CSMD1: variants seen among roughly 807,000 people sequenced by gnomAD.
The protein encoded by CSMD1 is CUB and sushi domain-containing protein 1.
In CSMD1, 213 loss-of-function variants were observed where a neutral mutation model predicts 417.5. That is an observed-to-expected ratio of 0.51 (90% CI 0.46 to 0.57). The LOEUF (loss-of-function observed/expected upper bound fraction) is 0.57, where lower values mean the gene tolerates loss of function less well. Ranked by LOEUF, CSMD1 falls within the 20% of genes least tolerant of loss-of-function variation. CSMD1 has a pLI of 0.00. For synonymous variants in CSMD1, 2,862 were observed against 1,736.8 expected, an observed-to-expected ratio of 1.65 and a Z score of -16.11; for missense variants, 6,923 against 4,529.7, an observed-to-expected ratio of 1.53 and a Z score of -15.17.
intron 8 of CSMD1, among the ~76,000 whole-genome samples, chr8:3,604,112 T>C (rs1351221061): frequency 6.6e-6 from 1 of 152,210 alleles, no homozygotes; most frequent in Non-Finnish European, 1.5e-5. Context: ...GGCTCTGTAC[T>C]GAACACTGGA....
intron 41 of CSMD1, among the ~76,000 whole-genome samples, chr8:3,125,462 G>A (rs1309522955): frequency 6.6e-6 from 1 of 152,168 alleles, no homozygotes; most frequent in Non-Finnish European, 1.5e-5. Flanking sequence ...AAGAAAGAAA[G>A]TCATCAAGTG....
intron 2 of CSMD1, among the ~76,000 whole-genome samples, chr8:4,560,267 G>A (rs1036557070): frequency 5.9e-5 from 9 of 152,216 alleles, no homozygotes; most frequent in African/African-American, 1.9e-4. Flanking sequence ...CAAAGCCCCT[G>A]ACTATGTGAC....
chr8:3,538,196 C>A (rs1264758213), intron 10 of CSMD1, among the ~76,000 whole-genome samples: 1 of 151,378 alleles, frequency 6.6e-6, no homozygotes, highest in African/African-American at 2.5e-5. Flanking sequence ...CCTTGCATTT[C>A]ATTCCCACTA....
chr8:3,025,571 T>C (rs1236828781), intron 51 of CSMD1, among the ~76,000 whole-genome samples: 2 of 152,246 alleles, frequency 1.3e-5, no homozygotes, highest in Admixed American at 6.5e-5. Context: ...GATATTCTTT[T>C]AGCGGTCAAC....
chr8:3,778,035 T>G (rs1348918837), intron 5 of CSMD1, among the ~76,000 whole-genome samples: 1 of 152,248 alleles, frequency 6.6e-6, no homozygotes, highest in Non-Finnish European at 1.5e-5. Context: ...TGTCTGGCTG[T>G]CTGTGCTTAA....
intron 17 of CSMD1, among the ~76,000 whole-genome samples, chr8:3,391,867 T>G (rs1256500564): frequency 6.6e-6 from 1 of 152,198 alleles, no homozygotes; most frequent in African/African-American, 2.4e-5. Flanking sequence ...AAGGAGTGTT[T>G]ATAATGTGAA....
At chr8:4,103,335 G>A (rs1005205914) in intron 3 of CSMD1, among the ~76,000 whole-genome samples, 9 of 151,222 alleles carry the variant, frequency 6.0e-5, no homozygotes, top group Non-Finnish European at 1.0e-4. Flanking sequence ...ATTCTCCAGA[G>A]TAGAAAAAAG....
intron 3 of CSMD1, among the ~76,000 whole-genome samples, chr8:4,288,107 C>T (rs1272889242): frequency 6.6e-6 from 1 of 152,116 alleles, no homozygotes; most frequent in Non-Finnish European, 1.5e-5. Context: ...ACTTATTTTG[C>T]TAGCCATGCT....
intron 33 of CSMD1, among the ~76,000 whole-genome samples, chr8:3,190,354 T>C (rs942487967): frequency 6.6e-6 from 1 of 151,884 alleles, no homozygotes; most frequent in Non-Finnish European, 1.5e-5. Flanking sequence ...AGGAGCACGT[T>C]CCCAACTGTA....
chr8:3,248,796 C>T (rs553214989), intron 26 of CSMD1, among the ~76,000 whole-genome samples: 63 of 151,836 alleles, frequency 4.1e-4, no homozygotes, highest in Non-Finnish European at 8.1e-4. Context: ...ACAATTTTAC[C>T]CTATTCTCTT....
chr8:4,578,926 A>C (rs1371910739), intron 2 of CSMD1, among the ~76,000 whole-genome samples: 1 of 151,918 alleles, frequency 6.6e-6, no homozygotes, highest in African/African-American at 2.4e-5. Flanking sequence ...ACCATGTGGA[A>C]AAATATTAAA....
chr8:3,549,771 G>C (rs1015993642), intron 10 of CSMD1, among the ~76,000 whole-genome samples: 7 of 152,052 alleles, frequency 4.6e-5, no homozygotes, highest in African/African-American at 1.2e-4. Flanking sequence ...TTGACTTTGA[G>C]TTTTCAGCCT....
intron 1 of CSMD1, among the ~76,000 whole-genome samples, chr8:4,828,394 T>C (rs1799954272): frequency 6.6e-6 from 1 of 152,180 alleles, no homozygotes; most frequent in African/African-American, 2.4e-5. Flanking sequence ...GACTTTGCTG[T>C]AGTTATTTGA....
intron 1 of CSMD1, among the ~76,000 whole-genome samples, chr8:4,764,774 G>A (rs1812332546): frequency 6.7e-6 from 1 of 150,108 alleles, no homozygotes; most frequent in Non-Finnish European, 1.5e-5. Flanking sequence ...TCTGGAGGCT[G>A]CGGCAGGAGA....
At chr8:3,451,042 G>T (rs992902073) in intron 12 of CSMD1, among the ~76,000 whole-genome samples, 1 of 152,186 alleles carries the variant, frequency 6.6e-6, no homozygotes, top group Non-Finnish European at 1.5e-5. Flanking sequence ...TTGTGGTTTT[G>T]ATTTGCATTT....
chr8:3,932,359 G>C (rs1810209551), intron 5 of CSMD1, among the ~76,000 whole-genome samples: 1 of 150,562 alleles, frequency 6.6e-6, no homozygotes, highest in Admixed American at 6.6e-5. Flanking sequence ...CTAGAGGAAT[G>C]AATATAGGCA....
intron 3 of CSMD1, among the ~76,000 whole-genome samples, chr8:4,287,929 T>A (rs2128864997): frequency 6.6e-6 from 1 of 152,220 alleles, no homozygotes; most frequent in East Asian, 1.9e-4. Context: ...TGGTCATGTT[T>A]AGTTGCAAAA....
intron 2 of CSMD1, among the ~76,000 whole-genome samples, chr8:4,552,873 C>T (rs1186294269): frequency 6.6e-6 from 1 of 152,144 alleles, no homozygotes; most frequent in Non-Finnish European, 1.5e-5. Context: ...CTGAGAAGCT[C>T]TTCTTTTAAA....
At chr8:3,853,302 A>T (rs958243797) in intron 5 of CSMD1, among the ~76,000 whole-genome samples, 4 of 152,106 alleles carry the variant, frequency 2.6e-5, no homozygotes, top group African/African-American at 9.7e-5. Flanking sequence ...ACCCTGATCA[A>T]TTTTTCTTCT....
Sources: gnomAD v4.1 joint callset for allele counts (sites outside exome capture counted in the v4.1 genomes callset) on GRCh38, gnomAD v4.1.1 for gene constraint, MANE v1.5 for transcripts, NCBI Gene and HGNC (gene_info 2026-07-23, HGNC 2026-07-21) for gene names.